Variants in PRORP observed in about 807,000 individuals in gnomAD.
PRORP encodes mitochondrial ribonuclease P catalytic subunit.
Under a neutral mutation model 59.4 loss-of-function variants are expected in PRORP, and 51 were observed. The ratio of observed to expected loss-of-function variants is 0.86; its 90% CI spans 0.69 to 1.08. PRORP has a LOEUF of 1.08. PRORP is among the 50% of genes least tolerant of loss of function. The probability of loss-of-function intolerance (pLI) is 0.00; values close to 1 mark genes in which losing one functional copy is unlikely to be tolerated. For missense variants in PRORP, 646 were observed against 690.3 expected (o/e 0.94, Z 0.72); for synonymous variants, 231 against 245.6 (o/e 0.94, Z 0.55).
chr14:35,202,197 TC>T (rs1296470799), intron 5 of PRORP, among the ~76,000 whole-genome samples: 22 of 152,038 alleles, frequency 1.4e-4, no homozygotes, highest in Non-Finnish European at 2.6e-4. Flanking sequence ...GACCTCGTGA[TC>T]CGCTCGCCTC....
intron 4 of PRORP, among the ~76,000 whole-genome samples, chr14:35,152,147 CT>C (rs925851967): frequency 8.5e-5 from 13 of 152,202 alleles, no homozygotes; most frequent in Admixed American, 8.5e-4. Flanking sequence ...AACGAGCATG[CT>C]GCCTTCAAGC....
At chr14:35,178,927 T>G (rs2048526069) in intron 4 of PRORP, among the ~76,000 whole-genome samples, 1 of 152,184 alleles carries the variant, frequency 6.6e-6, no homozygotes, top group Non-Finnish European at 1.5e-5. Context: ...CTCTTTTAGG[T>G]CAGGCCTGGT....
intron 4 of PRORP, among the ~76,000 whole-genome samples, chr14:35,155,371 C>T (rs2047887615): frequency 2.0e-5 from 3 of 151,896 alleles, no homozygotes; most frequent in Admixed American, 2.0e-4. Flanking sequence ...ATTTATTATA[C>T]TATTCTGTCT....
intron 4 of PRORP, among the ~76,000 whole-genome samples, chr14:35,151,982 G>A (rs1307507294): frequency 2.0e-5 from 3 of 150,528 alleles, no homozygotes; most frequent in Admixed American, 6.6e-5. Flanking sequence ...TCTCGCAGAG[G>A]GGGATTTGGC....
rs927339381 is a variant in PRORP, at chr14:35,276,614, T to A, written c.*3048T>A. 1.3e-5 allele frequency: 2 copies of A among 151,762 alleles called. No homozygotes were observed. The highest frequency in any genetic ancestry group is 2.9e-5 in the Non-Finnish European group (2 of 67,986). 9.4% of individuals were successfully genotyped at this position (151,762 alleles called of 1,614,324 possible). On this transcript the variant is annotated 3_prime_UTR_variant, in exon 8 of 8. Transcript: ENST00000534898. ...GGTACCAGACACTTAGGCTGCCCATTTGTGTTCTGATCATTTGAGTGAAAA... is the reference window on the plus strand; with the variant it reads ...GGTACCAGACACTTAGGCTGCCCATATGTGTTCTGATCATTTGAGTGAAAA...
chr14:35,135,998 T>C (rs548073690), intron 4 of PRORP, among the ~76,000 whole-genome samples: 3 of 150,580 alleles, frequency 2.0e-5, no homozygotes, highest in South Asian at 4.2e-4. Context: ...AAGTATGATA[T>C]GTATATTTTA....
At chr14:35,204,339 C>T (rs190101593) in intron 5 of PRORP, among the ~76,000 whole-genome samples, 16 of 152,280 alleles carry the variant, frequency 1.1e-4, no homozygotes, top group African/African-American at 3.6e-4. Flanking sequence ...AGACTCCTGC[C>T]TCCCTAGTCA....
chr14:35,263,317 GA>G (rs1405272476), intron 5 of PRORP, among the ~76,000 whole-genome samples: 1 of 152,076 alleles, frequency 6.6e-6, no homozygotes, highest in Non-Finnish European at 1.5e-5. Context: ...ATTTATTAAC[GA>G]AAAAATATAT....
At chr14:35,243,200 G>A (rs78145406) in intron 5 of PRORP, among the ~76,000 whole-genome samples, 117 of 152,278 alleles carry the variant, frequency 7.7e-4, no homozygotes, top group African/African-American at 2.6e-3. Flanking sequence ...GGATGCAAAA[G>A]ATGTTACTGG....
intron 4 of PRORP, among the ~76,000 whole-genome samples, chr14:35,162,810 G>C (rs1285982868): frequency 6.6e-6 from 1 of 151,842 alleles, no homozygotes; most frequent in East Asian, 1.9e-4. Context: ...ATTTTTTTCT[G>C]ATGTGAGGTA....
At chr14:35,161,768 A>G (rs577712467) in intron 4 of PRORP, among the ~76,000 whole-genome samples, 2 of 152,322 alleles carry the variant, frequency 1.3e-5, no homozygotes, top group African/African-American at 2.4e-5. Flanking sequence ...TTTCTAAACT[A>G]TCTTTACCTG....
chr14:35,173,162 C>A (rs140772222), intron 4 of PRORP, among the ~76,000 whole-genome samples: 5,915 of 152,248 alleles, frequency 0.039, 157 homozygotes, highest in Non-Finnish European at 0.055. Flanking sequence ...GCCACTGTGC[C>A]CAGCCCAGAT....
intron 5 of PRORP, among the ~76,000 whole-genome samples, chr14:35,198,703 G>A (rs2049066652): frequency 2.0e-5 from 3 of 152,240 alleles, no homozygotes; most frequent in Admixed American, 6.5e-5. Flanking sequence ...ACTTATGTAA[G>A]TTCTAGTATC....
chr14:35,229,055 G>A (rs925773067), intron 5 of PRORP, among the ~76,000 whole-genome samples: 2 of 152,112 alleles, frequency 1.3e-5, no homozygotes, highest in African/African-American at 4.8e-5. Flanking sequence ...GCGATATTGA[G>A]CATTTTTTCA....
chr14:35,199,271 G>A (rs2049086250), intron 5 of PRORP, among the ~76,000 whole-genome samples: 1 of 150,220 alleles, frequency 6.7e-6, no homozygotes, highest in African/African-American at 2.4e-5. Flanking sequence ...GAAGGCGGAT[G>A]TTGCAGTAAG....
intron 5 of PRORP, among the ~76,000 whole-genome samples, chr14:35,227,257 C>T (rs1262857641): frequency 6.6e-6 from 1 of 151,000 alleles, no homozygotes; most frequent in Non-Finnish European, 1.5e-5. Context: ...TCCTGGCCAA[C>T]ATGGTGAAAC....
chr14:35,186,948 A>C (rs1474479812), intron 5 of PRORP, among the ~76,000 whole-genome samples: 1 of 152,048 alleles, frequency 6.6e-6, no homozygotes. Context: ...CACTTAGCAT[A>C]GTGTTTCAAA....
At position 35,126,799 on chromosome 14, in the gene PRORP, ATT is replaced by A; in HGVS notation, c.1034+21_1034+22del. 6.3e-7 allele frequency: 1 copy of A among 1,595,990 alleles called. No individual in the cohort carries two copies. The highest frequency in any genetic ancestry group is 1.7e-4 in the Middle Eastern group (1 of 6,026). On this transcript the variant is annotated intron_variant, in intron 3 of 7. Coordinates refer to ENST00000534898, the MANE Select transcript of PRORP (RefSeq NM_014672.4). ...CCGAAAAAGGTGAAGACCAATGTTT[ATT>A]TTTAACTTGTTTGATTTTGGTTTAG...
intron 4 of PRORP, among the ~76,000 whole-genome samples, chr14:35,149,050 C>G (rs1387646331): frequency 2.0e-4 from 29 of 147,714 alleles, no homozygotes; most frequent in African/African-American, 6.5e-4. Flanking sequence ...TCCCGAGTAG[C>G]TGGGACAACA....
Sources: allele counts gnomAD v4.1 joint callset (sites outside exome capture counted in the v4.1 genomes callset), GRCh38; gene constraint gnomAD v4.1.1; transcripts MANE v1.5; gene names NCBI Gene and HGNC (gene_info 2026-07-23, HGNC 2026-07-21).